The following PDE4D variants were observed in gnomAD, a reference collection of about 807,000 sequenced individuals.
PDE4D encodes the protein 3',5'-cyclic-AMP phosphodiesterase 4D.
Under a neutral mutation model 87.4 loss-of-function variants are expected in PDE4D, and 24 were observed. The ratio of observed to expected loss-of-function variants is 0.27; its 90% CI spans 0.20 to 0.39. The LOEUF is 0.39. Ranked by LOEUF, PDE4D falls within the 10% of genes least tolerant of loss-of-function variation. The pLI, the probability that PDE4D is intolerant of heterozygous loss-of-function variation, is 1.00. For missense variants in PDE4D, 714 were observed against 1,041.0 expected (o/e 0.69, Z 4.32); for synonymous variants, 384 against 383.2 (o/e 1.00, Z -0.02).
intron 1 of PDE4D, among the ~76,000 whole-genome samples, chr5:59,860,447 T>TA (rs1386494638): frequency 6.6e-6 from 1 of 152,160 alleles, no homozygotes; most frequent in East Asian, 1.9e-4. Flanking sequence ...CTAAATATAT[T>TA]ATACAATAGG....
intron 1 of PDE4D, among the ~76,000 whole-genome samples, chr5:59,675,277 A>G (rs1384576881): frequency 6.6e-6 from 1 of 152,102 alleles, no homozygotes; most frequent in Non-Finnish European, 1.5e-5. Context: ...TTTGTTTTTA[A>G]CCAACATCCC....
In PDE4D at chr5:60,014,090, T is replaced by TCA. The variant is rs1561980234; in HGVS notation, c.43-25374_43-25373insTG. ...CCTGGCAACAGAGCAAGACTCCACC[T>TCA]TAAAAAAAAAAAAAAAAAAAAAAAG... On this transcript the variant is annotated intron_variant, in intron 2 of 16. Transcript: ENST00000502484. 5.7e-3 allele frequency among the ~76,000 whole-genome samples: 693 copies of TCA among 120,724 alleles called. 6 individuals are homozygous for TCA. Among genetic ancestry groups the TCA allele is most frequent in the African/African-American group, 0.023 (661 of 28,732 alleles). 79.2% of individuals were successfully genotyped at this position (120,724 alleles called of 152,430 possible). A position where few individuals can be genotyped will look rare whatever the true frequency, so the allele number is the denominator to read the frequency against.
intron 1 of PDE4D, among the ~76,000 whole-genome samples, chr5:59,378,120 G>C (rs1785046855): frequency 6.6e-6 from 1 of 152,216 alleles, no homozygotes; most frequent in Admixed American, 6.5e-5. Flanking sequence ...ATGAGATCAT[G>C]TCCTTTGCAG....
At chr5:60,108,110 C>G (rs914628276) in intron 2 of PDE4D, among the ~76,000 whole-genome samples, 7 of 151,678 alleles carry the variant, frequency 4.6e-5, no homozygotes, top group Admixed American at 3.3e-4. Flanking sequence ...CTAGAAAACC[C>G]CATCGTCTCA....
intron 1 of PDE4D, among the ~76,000 whole-genome samples, chr5:60,415,945 C>T (rs1742496265): frequency 6.6e-6 from 1 of 152,014 alleles, no homozygotes; most frequent in Admixed American, 6.5e-5. Context: ...CCAATCAGCA[C>T]TCTGTATGTA....
intron 3 of PDE4D, among the ~76,000 whole-genome samples, chr5:59,930,119 G>A (rs922785736): frequency 1.6e-5 from 2 of 128,150 alleles, no homozygotes; most frequent in Non-Finnish European, 3.1e-5. Flanking sequence ...CCGAGATCGT[G>A]CCACTGCACT....
At chr5:60,042,497 C>T (rs1768640085) in intron 2 of PDE4D, among the ~76,000 whole-genome samples, 1 of 152,216 alleles carries the variant, frequency 6.6e-6, no homozygotes, top group African/African-American at 2.4e-5. Context: ...TGCCTCCTGA[C>T]TGGGAGATAC....
At chr5:59,176,633 T>C (rs1227364273) in intron 5 of PDE4D, among the ~76,000 whole-genome samples, 1 of 151,786 alleles carries the variant, frequency 6.6e-6, no homozygotes, top group African/African-American at 2.4e-5. Flanking sequence ...AGGAAGAGGG[T>C]ATTGTAAATT....
At chr5:59,469,352 A>G (rs1449545384) in intron 1 of PDE4D, among the ~76,000 whole-genome samples, 1 of 152,166 alleles carries the variant, frequency 6.6e-6, no homozygotes, top group African/African-American at 2.4e-5. Context: ...CAAACAAACA[A>G]AAAACAAAAA....
At chr5:59,396,295 T>C (rs1270622650) in intron 1 of PDE4D, among the ~76,000 whole-genome samples, 8 of 100,040 alleles carry the variant, frequency 8.0e-5, no homozygotes, top group South Asian at 3.7e-4. Context: ...TTCACCAAAG[T>C]TGAAATGAAG....
intron 1 of PDE4D, among the ~76,000 whole-genome samples, chr5:59,696,683 G>A (rs1253170370): frequency 2.0e-5 from 3 of 152,130 alleles, no homozygotes; most frequent in Admixed American, 6.6e-5. Flanking sequence ...AAAAACTGCA[G>A]GAAAATACTG....
intron 1 of PDE4D, among the ~76,000 whole-genome samples, chr5:59,821,000 G>A (rs776342106): frequency 1.3e-5 from 2 of 152,160 alleles, no homozygotes; most frequent in Non-Finnish European, 2.9e-5. Flanking sequence ...GGGAGGCCGA[G>A]GTGGGCAGAT....
chr5:59,066,624 C>A (rs144809511), intron 5 of PDE4D, among the ~76,000 whole-genome samples: 2 of 152,022 alleles, frequency 1.3e-5, no homozygotes, highest in African/African-American at 4.8e-5. Flanking sequence ...ATTTATAAGA[C>A]GTGGTTTATT....
chr5:60,427,774 A>G (rs1743845799), intron 1 of PDE4D, among the ~76,000 whole-genome samples: 1 of 152,244 alleles, frequency 6.6e-6, no homozygotes, highest in South Asian at 2.1e-4. Context: ...ATAACCATAC[A>G]AAGAAAGGGA....
At chr5:60,433,982 AC>A (rs939094657) in intron 1 of PDE4D, among the ~76,000 whole-genome samples, 2 of 152,124 alleles carry the variant, frequency 1.3e-5, no homozygotes, top group Non-Finnish European at 2.9e-5. Context: ...TATGCTCATT[AC>A]CTGGGTGACG....
intron 1 of PDE4D, among the ~76,000 whole-genome samples, chr5:60,292,749 C>CAA (rs1037745032): frequency 6.6e-6 from 1 of 152,164 alleles, no homozygotes; most frequent in Non-Finnish European, 1.5e-5. Context: ...CCTTCCCCAA[C>CAA]AAAAGATATT....
At chr5:59,787,476 C>T (rs1765304060) in intron 1 of PDE4D, among the ~76,000 whole-genome samples, 2 of 152,208 alleles carry the variant, frequency 1.3e-5, no homozygotes, top group South Asian at 4.1e-4. Flanking sequence ...GTATTCACTA[C>T]TCTATCACCC....
intron 1 of PDE4D, among the ~76,000 whole-genome samples, chr5:59,543,969 C>G (rs1816811249): frequency 6.6e-6 from 1 of 152,202 alleles, no homozygotes; most frequent in South Asian, 2.1e-4. Context: ...AGCTTGACCT[C>G]TGAATTGTTT....
At chr5:60,054,174 C>T in intron 2 of PDE4D, among the ~76,000 whole-genome samples, 1 of 152,090 alleles carries the variant, frequency 6.6e-6, no homozygotes, top group East Asian at 1.9e-4. Flanking sequence ...ACCCAGCAAT[C>T]CCATTACCGG....
Sources: gnomAD v4.1 joint callset for allele counts (sites outside exome capture counted in the v4.1 genomes callset) on GRCh38, gnomAD v4.1.1 for gene constraint, MANE v1.5 for transcripts, NCBI Gene and HGNC (gene_info 2026-07-23, HGNC 2026-07-21) for gene names.